Variants in PCDHGB1 observed in about 807,000 individuals in gnomAD.
PCDHGB1 encodes protocadherin gamma-B1.
Under a neutral mutation model 56.6 loss-of-function variants are expected in PCDHGB1, and 34 were observed. The ratio of observed to expected loss-of-function variants is 0.60; its 90% CI spans 0.46 to 0.80. PCDHGB1 has a LOEUF of 0.80. Ranked by LOEUF, PCDHGB1 falls within the 30% of genes least tolerant of loss-of-function variation. The probability of loss-of-function intolerance (pLI) is 0.00; values close to 1 mark genes in which losing one functional copy is unlikely to be tolerated. For missense variants in PCDHGB1, 1,278 were observed against 1,204.6 expected, an observed-to-expected ratio of 1.06 and a Z score of -0.90; for synonymous variants, 561 against 505.9, an observed-to-expected ratio of 1.11 and a Z score of -1.46.
chr5:141,357,392 G>C, intron 1 of PCDHGB1: 1 of 1,614,246 alleles, frequency 6.2e-7, no homozygotes, highest in Non-Finnish European at 8.5e-7. Context: ...GAAGGCAGCA[G>C]GTTGGCAGGT....
chr5:141,477,854 C>T lies in PCDHGB1; in HGVS notation c.2410-16953C>T. Reference sequence around the variant, plus strand: ...GCCAGGTGGGAGCTCGGTGGAGATGCTGCCTCGAGGTACCTCAGCTGGCCA... The same window carrying T: ...GCCAGGTGGGAGCTCGGTGGAGATGTTGCCTCGAGGTACCTCAGCTGGCCA... On this transcript the variant is annotated intron_variant, in intron 1 of 3. Transcript: ENST00000523390. This position sits in a 1 kb window ranked among gnomAD's most constrained non-coding sequence, Gnocchi z 4.9. 1.9e-6 allele frequency: 3 copies of T among 1,614,098 alleles called. No individual in the cohort carries two copies. The South Asian group carries it at 3.3e-5, about 18-fold the overall frequency.
intron 1 of PCDHGB1, among the ~76,000 whole-genome samples, chr5:141,464,747 G>A (rs969116049): frequency 2.0e-5 from 3 of 151,812 alleles, no homozygotes; most frequent in Admixed American, 2.0e-4. Context: ...ATATCTTTTT[G>A]TTTTTTTAGA....
chr5:141,423,985 C>T (rs1334591897), intron 1 of PCDHGB1: 2 of 1,100,512 alleles, frequency 1.8e-6, no homozygotes, highest in Non-Finnish European at 2.2e-6. Flanking sequence ...ATGAGGCTCT[C>T]AATTTATTAT....
At chr5:141,374,252 C>T in intron 1 of PCDHGB1, 6 of 1,613,982 alleles carry the variant, frequency 3.7e-6, no homozygotes, top group Non-Finnish European at 5.1e-6. Context: ...ACTGGAGCCC[C>T]AGGAGTTGGC....
At position 141,350,628 on chromosome 5, in the gene PCDHGB1, T is replaced by C. The variant is rs974919144; in HGVS notation, c.368T>C (p.Ile123Thr). The C allele has an allele frequency of 1.3e-5, 21 of 1,613,936 alleles. No individual in the cohort carries two copies. Among genetic ancestry groups the C allele is most frequent in the Non-Finnish European group, 1.6e-5 (19 of 1,179,908 alleles). The stretch of plus-strand genomic sequence containing the variant: ...CACGTGGTTGTTGTAATCCAAGATA[T>C]TAATGACAATGCACCACGTTTCGTT... ...VFHVVVVIQD[I>T]NDNAPRFVAK... Residue 123 changes from isoleucine to threonine, a missense_variant, in exon 1 of 4, where the codon ATT becomes ACT. Physicochemically the swap from Ile to Thr is moderately conservative, Grantham distance 89. Coordinates refer to ENST00000523390, the MANE Select transcript of PCDHGB1 (RefSeq NM_018922.3).
intron 1 of PCDHGB1, chr5:141,392,398 C>T (rs926356717): frequency 1.3e-5 from 2 of 155,550 alleles, no homozygotes; most frequent in African/African-American, 4.8e-5. Context: ...CATTTAATAA[C>T]ACTAAATAAA....
chr5:141,393,766 A>G, intron 1 of PCDHGB1: 2 of 1,613,950 alleles, frequency 1.2e-6, no homozygotes. Flanking sequence ...TATGAAATGG[A>G]AATACAAGCC....
chr5:141,423,230 G>C (rs1223173152), intron 1 of PCDHGB1: 1 of 1,613,872 alleles, frequency 6.2e-7, no homozygotes, highest in Admixed American at 1.7e-5. Context: ...GTGGCCGACA[G>C]CATCCCCGAA....
chr5:141,439,226 G>A (rs1337835258), intron 1 of PCDHGB1, among the ~76,000 whole-genome samples: 1 of 151,442 alleles, frequency 6.6e-6, no homozygotes, highest in African/African-American at 2.4e-5. Flanking sequence ...AAAATTCTTA[G>A]AAGCTTCCTA....
Position 141,477,849 on chromosome 5 carries a change from A to G in PCDHGB1, c.2410-16958A>G. ...CCTCGGCCAGGTGGGAGCTCGGTGGAGATGCTGCCTCGAGGTACCTCAGCT... is the reference window on the plus strand; with the variant it reads ...CCTCGGCCAGGTGGGAGCTCGGTGGGGATGCTGCCTCGAGGTACCTCAGCT... On this transcript the variant is annotated intron_variant, in intron 1 of 3. Transcript: ENST00000523390. This position sits in a 1 kb window ranked among gnomAD's most constrained non-coding sequence, Gnocchi z 4.9. The G allele has an allele frequency of 6.8e-6, 11 of 1,612,812 alleles. No individual in the cohort carries two copies. Among genetic ancestry groups the G allele is most frequent in the Non-Finnish European group, 8.5e-6 (10 of 1,179,548 alleles).
intron 1 of PCDHGB1, chr5:141,422,357 C>G: frequency 6.4e-7 from 1 of 1,557,656 alleles, no homozygotes; most frequent in African/African-American, 1.4e-5. Flanking sequence ...GATCAAGATT[C>G]TGGAGAAAAT....
chr5:141,412,975 C>G (rs1221821871), intron 1 of PCDHGB1: 3 of 532,642 alleles, frequency 5.6e-6, no homozygotes, highest in Non-Finnish European at 9.7e-6. Flanking sequence ...AGAGAAAACG[C>G]AGCCAGAGCT....
intron 1 of PCDHGB1, chr5:141,409,496 C>CT (rs1276498782): frequency 6.2e-7 from 1 of 1,614,044 alleles, no homozygotes; most frequent in South Asian, 1.1e-5. Context: ...CAAGCCGCCT[C>CT]TTTCTTCCAG....
chr5:141,375,200 G>C (rs755732164), intron 1 of PCDHGB1: 3 of 1,613,940 alleles, frequency 1.9e-6, no homozygotes, highest in Non-Finnish European at 2.5e-6. Flanking sequence ...TCAAGTGTTC[G>C]ATCGAGACTC....
chr5:141,440,328 T>G (rs1311315077), intron 1 of PCDHGB1: 1 of 152,102 alleles, frequency 6.6e-6, no homozygotes. Context: ...TTACTGGGCA[T>G]GGTGGTGCAG....
intron 1 of PCDHGB1, chr5:141,403,422 C>T (rs749764130): frequency 6.2e-7 from 1 of 1,613,912 alleles, no homozygotes; most frequent in Admixed American, 1.7e-5. Flanking sequence ...CTTCCAGAAG[C>T]TATTGATCCG....
intron 1 of PCDHGB1, chr5:141,418,184 G>A: frequency 6.2e-7 from 1 of 1,614,096 alleles, no homozygotes; most frequent in Non-Finnish European, 8.5e-7. Flanking sequence ...ATTGGAAGCT[G>A]TGGTGGAAAA....
At chr5:141,501,606 G>A (rs2099810134) in intron 2 of PCDHGB1, among the ~76,000 whole-genome samples, 1 of 152,012 alleles carries the variant, frequency 6.6e-6, no homozygotes, top group African/African-American at 2.4e-5. Flanking sequence ...AGTTCCAGCT[G>A]TGTGACTCTG....
rs753845173 is a variant in PCDHGB1, at chr5:141,490,873, C to T, written c.2410-3934C>T. On this transcript the variant is annotated intron_variant, in intron 1 of 3. Coordinates refer to ENST00000523390, the MANE Select transcript of PCDHGB1 (RefSeq NM_018922.3). The surrounding 1 kb of genome is among the most constrained non-coding windows in gnomAD (Gnocchi z 5.4). Reference sequence around the variant, plus strand: ...TCGAGACTCCGGCTCTCCCCCATTGCATGCCAACACATCTCTGCATGTGTT... The same window carrying T: ...TCGAGACTCCGGCTCTCCCCCATTGTATGCCAACACATCTCTGCATGTGTT... 5.6e-6 allele frequency: 9 copies of T among 1,613,884 alleles called. No homozygotes were observed. The highest frequency in any genetic ancestry group is 7.6e-6 in the Non-Finnish European group (9 of 1,179,908).
Sources: gnomAD v4.1 joint callset for allele counts (sites outside exome capture counted in the v4.1 genomes callset) on GRCh38, gnomAD v4.1.1 for gene constraint, Gnocchi (gnomAD v3.1) non-coding constraint, MANE v1.5 for transcripts, NCBI Gene and HGNC (gene_info 2026-07-23, HGNC 2026-07-21) for gene names.